Variants in SYAP1 observed in about 807,000 individuals in gnomAD.
SYAP1 encodes the protein synapse-associated protein 1.
A neutral mutation model predicts 29.6 loss-of-function variants in SYAP1; 3 were observed. The ratio of observed to expected loss-of-function variants is 0.10; its 90% CI spans 0.05 to 0.26. The LOEUF is 0.26. Among genes scored for constraint, SYAP1 ranks in the 10% least tolerant of loss-of-function variants. The probability of loss-of-function intolerance (pLI) is 1.00; values close to 1 mark genes in which losing one functional copy is unlikely to be tolerated. For missense variants in SYAP1, 217 were observed against 264.1 expected, an observed-to-expected ratio of 0.82 and a Z score of 1.24; for synonymous variants, 102 against 102.7, an observed-to-expected ratio of 0.99 and a Z score of 0.04.
At position 16,764,959 on chromosome X, in the gene SYAP1, G is replaced by C. The variant is rs2147443478; in HGVS notation, c.*4600G>C. On this transcript the variant is annotated 3_prime_UTR_variant, in exon 9 of 9. Coordinates refer to ENST00000380155, the MANE Select transcript of SYAP1 (RefSeq NM_032796.4). ...GATCTATCTGCCTCGGCCTTCCAAA[G>C]TGCTGGGATTACAGGCATGATGAGC... 1 of 111,932 alleles carries C rather than the reference G, an allele frequency of 8.9e-6. No homozygotes were observed. The highest frequency in any genetic ancestry group is 1.9e-5 in the Non-Finnish European group (1 of 53,219). 9.2% of individuals were successfully genotyped at this position (111,932 alleles called of 1,213,427 possible).
chrX:16,733,926 G>A (rs1926265978), intron 1 of SYAP1, among the ~76,000 whole-genome samples: 1 of 110,528 alleles, frequency 9.0e-6, no homozygotes, highest in Non-Finnish European at 1.9e-5. Flanking sequence ...CCAAAGTGCT[G>A]GGATTACAAC....
chrX:16,747,730 AT>A (rs1402573905), intron 5 of SYAP1, among the ~76,000 whole-genome samples: 1 of 112,909 alleles, frequency 8.9e-6, no homozygotes, highest in East Asian at 2.8e-4. Context: ...CCTCCTACTA[AT>A]TTTGTTGAGG....
At chrX:16,756,810 A>G (rs1247699528) in intron 7 of SYAP1, 89 bp downstream of exon 7, 1 of 922,379 alleles carries the variant, frequency 1.1e-6, no homozygotes, top group East Asian at 3.2e-5. Flanking sequence ...AAAACTATGT[A>G]TGAATATGGG....
At chrX:16,736,504 C>A in intron 3 of SYAP1, 2 of 224,313 alleles carry the variant, frequency 8.9e-6, no homozygotes, top group Non-Finnish European at 1.6e-5. Flanking sequence ...CTGACTTTCT[C>A]TTTTCTTTTC....
intron 1 of SYAP1, among the ~76,000 whole-genome samples, chrX:16,721,814 C>A (rs1309047845): frequency 9.0e-6 from 1 of 111,143 alleles, no homozygotes; most frequent in African/African-American, 3.3e-5. Context: ...GGATTACAGG[C>A]GTGAGCCACC....
chrX:16,743,797 G>A lies in SYAP1; in HGVS notation c.532G>A (p.Asp178Asn). Residue 178 changes from aspartate (D) to asparagine (N), a missense_variant, in exon 5 of 9, where the codon GAT becomes AAT. Transcript: ENST00000380155. ...YPVALVMLQE[D>N]ELLSKMRFAL... ...CGTGGCCCTGGTCATGCTCCAGGAG[G>A]ATGAGCTGCTAAGCAAGATGAGATT... The A allele has an allele frequency of 3.3e-6, 4 of 1,210,726 alleles. No homozygotes were observed. Among genetic ancestry groups the A allele is most frequent in the Non-Finnish European group, 4.5e-6 (4 of 894,978 alleles).
intron 3 of SYAP1, 27 bp from the exon 4 acceptor site, chrX:16,741,689 T>C: frequency 1.8e-6 from 2 of 1,140,632 alleles, no homozygotes; most frequent in Middle Eastern, 2.4e-4. Flanking sequence ...TTTTCTCTTT[T>C]CTTCTTTGCC....
rs755409671 is a variant in SYAP1, at chrX:16,756,737, A to G, written c.783+16A>G. On this transcript the variant is annotated intron_variant, in intron 7 of 8. Transcript: ENST00000380155. ...AACTCAAGAGGTAATCCAGTTTTAC[A>G]TTGTACCTAGTAGTTGATATCTGGA... 8.4e-7 allele frequency: 1 copy of G among 1,189,156 alleles called. No individual in the cohort carries two copies. Among genetic ancestry groups the G allele is most frequent in the Admixed American group, 2.2e-5 (1 of 45,876 alleles).
chrX:16,735,396 C>T (rs745695620), intron 2 of SYAP1, 51 bp downstream of exon 2: 144 of 772,363 alleles, frequency 1.9e-4, no homozygotes, highest in Non-Finnish European at 2.6e-4. Flanking sequence ...TCATTGTTTC[C>T]TCTTGATGGT....
At chrX:16,740,235 C>T (rs1472642962) in intron 3 of SYAP1, among the ~76,000 whole-genome samples, 1 of 110,904 alleles carries the variant, frequency 9.0e-6, no homozygotes, top group East Asian at 2.8e-4. Flanking sequence ...CTTGTGAGCC[C>T]CAGAAAAACA....
chrX:16,750,543 C>T (rs1388226029), intron 5 of SYAP1, among the ~76,000 whole-genome samples: 2 of 111,136 alleles, frequency 1.8e-5, no homozygotes, highest in Non-Finnish European at 3.8e-5. Context: ...ATGTTGGTGG[C>T]ATTAATAAAA....
intron 1 of SYAP1, among the ~76,000 whole-genome samples, chrX:16,723,652 T>C (rs1047243351): frequency 4.5e-5 from 5 of 112,269 alleles, no homozygotes; most frequent in African/African-American, 1.6e-4. Context: ...CTTTGAAAAA[T>C]TAACCAACTA....
rs187824679 is a variant in SYAP1, at chrX:16,760,662, C to T, written c.*303C>T. On this transcript the variant is annotated 3_prime_UTR_variant, in exon 9 of 9. Transcript: ENST00000380155. ...AGTAAAATTTTAGAGTTCTGTTTTCCATGAGGTCAAAAATATAATTTATTC... is the reference window on the plus strand; with the variant it reads ...AGTAAAATTTTAGAGTTCTGTTTTCTATGAGGTCAAAAATATAATTTATTC... 3.5e-3 allele frequency: 457 copies of T among 128,932 alleles called. 1 individual carries two copies. The highest frequency in any genetic ancestry group is 0.014 in the African/African-American group (429 of 31,340). The allele number at this position is 128,932 out of a possible 1,213,427, so 10.6% of individuals were successfully genotyped here.
chrX:16,724,570 G>A (rs969836281), intron 1 of SYAP1, among the ~76,000 whole-genome samples: 1 of 111,167 alleles, frequency 9.0e-6, no homozygotes, highest in Non-Finnish European at 1.9e-5. Context: ...TGGGAGGGAG[G>A]TCCCAGGGTC....
intron 5 of SYAP1, 85 bp downstream of exon 5, chrX:16,743,925 G>A: frequency 9.6e-7 from 1 of 1,043,065 alleles, no homozygotes; most frequent in Non-Finnish European, 1.3e-6. Flanking sequence ...GGCCAAAAGG[G>A]TCTCTATCTG....
chrX:16,752,245 TG>T (rs1176878948), intron 5 of SYAP1, among the ~76,000 whole-genome samples: 2 of 109,157 alleles, frequency 1.8e-5, no homozygotes, highest in African/African-American at 6.6e-5. Flanking sequence ...CCAAAGGCAC[TG>T]GGACTACAGA....
chrX:16,746,465 G>T (rs974897156), intron 5 of SYAP1, among the ~76,000 whole-genome samples: 1 of 111,011 alleles, frequency 9.0e-6, no homozygotes, highest in Non-Finnish European at 1.9e-5. Context: ...TCGAACTCCT[G>T]ACCTCAGGTG....
intron 5 of SYAP1, among the ~76,000 whole-genome samples, chrX:16,747,482 T>A (rs1184046916): frequency 8.9e-6 from 1 of 112,320 alleles, no homozygotes; most frequent in Non-Finnish European, 1.9e-5. Flanking sequence ...GCTGTGGCTC[T>A]CAAGACCAGC....
intron 3 of SYAP1, among the ~76,000 whole-genome samples, chrX:16,738,784 G>A (rs1926384775): frequency 8.9e-6 from 1 of 112,319 alleles, no homozygotes; most frequent in African/African-American, 3.2e-5. Context: ...TCAGCCATGG[G>A]AGGCAGGGCC....
Sources: gnomAD v4.1 joint callset for allele counts (sites outside exome capture counted in the v4.1 genomes callset) on GRCh38, gnomAD v4.1.1 for gene constraint, MANE v1.5 for transcripts, NCBI Gene and HGNC (gene_info 2026-07-23, HGNC 2026-07-21) for gene names.